Variants in IL15 observed in about 807,000 individuals in gnomAD.
IL15 encodes interleukin-15.
Under a neutral mutation model 19.6 loss-of-function variants are expected in IL15, and 11 were observed. The ratio of observed to expected loss-of-function variants is 0.56; its 90% CI spans 0.35 to 0.93. The LOEUF (loss-of-function observed/expected upper bound fraction) is 0.93, where lower values mean the gene tolerates loss of function less well. Among genes scored for constraint, IL15 ranks in the 40% least tolerant of loss-of-function variants. The pLI is 0.01. For missense variants in IL15, 197 were observed against 186.5 expected (o/e 1.06, Z -0.33); for synonymous variants, 58 against 59.6 (o/e 0.97, Z 0.12).
chr4:141,668,302 G>A (rs1728058438), intron 2 of IL15, among the ~76,000 whole-genome samples: 1 of 151,928 alleles, frequency 6.6e-6, no homozygotes, highest in African/African-American at 2.4e-5. Flanking sequence ...AGGTGTCTCT[G>A]ATGTGGTGGG....
At chr4:141,661,920 C>T (rs1727804241) in intron 2 of IL15, among the ~76,000 whole-genome samples, 1 of 152,050 alleles carries the variant, frequency 6.6e-6, no homozygotes, top group African/African-American at 2.4e-5. Context: ...CCCGTCATAC[C>T]TTTATTGTTT....
chr4:141,683,664 A>G (rs1728616085), intron 2 of IL15, among the ~76,000 whole-genome samples: 1 of 152,184 alleles, frequency 6.6e-6, no homozygotes, highest in Non-Finnish European at 1.5e-5. Context: ...ACCTGGAACA[A>G]GTCATGTAAT....
intron 1 of IL15, among the ~76,000 whole-genome samples, chr4:141,647,715 C>G (rs1727276229): frequency 6.6e-6 from 1 of 151,918 alleles, no homozygotes; most frequent in Admixed American, 6.6e-5. Flanking sequence ...GATTTTAATC[C>G]CTCATATGCT....
At chr4:141,718,073 C>A (rs1519553) in intron 2 of IL15, 121,262 of 152,180 alleles carry the variant, frequency 0.8, 48,884 homozygotes, top group East Asian at 0.99. Context: ...ATGGTGGAGT[C>A]TTCTGGCTAA....
chr4:141,639,757 C>G (rs568099346), intron 1 of IL15, among the ~76,000 whole-genome samples: 10 of 152,278 alleles, frequency 6.6e-5, no homozygotes, highest in African/African-American at 2.4e-4. Context: ...TTTACTTACC[C>G]GTTGATTACA....
At chr4:141,695,057 A>G (rs1348501197) in intron 2 of IL15, among the ~76,000 whole-genome samples, 1 of 152,118 alleles carries the variant, frequency 6.6e-6, no homozygotes, top group Non-Finnish European at 1.5e-5. Flanking sequence ...ATAGTTCCTC[A>G]ATATGGTAGC....
intron 2 of IL15, among the ~76,000 whole-genome samples, chr4:141,698,732 G>T (rs559014260): frequency 1.3e-4 from 19 of 151,776 alleles, no homozygotes; most frequent in Non-Finnish European, 2.5e-4. Flanking sequence ...TCTCTTCTTG[G>T]TTAATCGTAC....
chr4:141,644,102 A>G (rs1727142859), intron 1 of IL15, among the ~76,000 whole-genome samples: 1 of 151,274 alleles, frequency 6.6e-6, no homozygotes, highest in African/African-American at 2.4e-5. Flanking sequence ...CCTACATCCT[A>G]TCTCTTCTCA....
At chr4:141,670,695 T>A (rs914077287) in intron 2 of IL15, among the ~76,000 whole-genome samples, 2 of 152,238 alleles carry the variant, frequency 1.3e-5, no homozygotes, top group Non-Finnish European at 2.9e-5. Flanking sequence ...ATGTTTCAGA[T>A]AAACTTTTGA....
intron 7 of IL15, among the ~76,000 whole-genome samples, chr4:141,731,318 T>A (rs776552346): frequency 3.3e-5 from 5 of 152,206 alleles, no homozygotes; most frequent in Non-Finnish European, 7.3e-5. Flanking sequence ...TGTTTTTCCC[T>A]ACTAGAATGT....
chr4:141,664,077 A>T (rs910889941), intron 2 of IL15, among the ~76,000 whole-genome samples: 1 of 152,146 alleles, frequency 6.6e-6, no homozygotes, highest in East Asian at 1.9e-4. Flanking sequence ...TAAAAGTATA[A>T]ATCAGATAAG....
chr4:141,724,745 A>G (rs1730202763), intron 5 of IL15, among the ~76,000 whole-genome samples: 1 of 152,110 alleles, frequency 6.6e-6, no homozygotes. Context: ...CCAAAACATA[A>G]TGAAGATGAA....
At chr4:141,662,860 A>T (rs898777705) in intron 2 of IL15, among the ~76,000 whole-genome samples, 5 of 152,166 alleles carry the variant, frequency 3.3e-5, no homozygotes, top group African/African-American at 1.2e-4. Flanking sequence ...TAAACCCTTA[A>T]AGAAGAATAA....
At position 141,729,826 on chromosome 4, in the gene IL15, CT is replaced by C. The variant is rs1730390890; in HGVS notation, c.241-18del. On this transcript the variant is annotated intron_variant, in intron 6 of 7. Coordinates refer to ENST00000320650, the MANE Select transcript of IL15 (RefSeq NM_000585.5). ...TAATAATCAGAAAAAAGTAATTGTT[CT>C]TTATAACTTTTATTTTTAGCCCAGT... is the stretch of plus-strand genomic sequence containing the variant. 7.2e-6 allele frequency: 10 copies of C among 1,382,026 alleles called. No individual in the cohort carries two copies. Among genetic ancestry groups the C allele is most frequent in the Non-Finnish European group, 8.2e-6 (8 of 980,230 alleles). The allele number at this position is 1,382,026 out of a possible 1,614,324, so 85.6% of individuals were successfully genotyped here. A position where few individuals can be genotyped will look rare whatever the true frequency, so the allele number is the denominator to read the frequency against.
At chr4:141,639,512 C>G (rs1029966966) in intron 1 of IL15, among the ~76,000 whole-genome samples, 1 of 152,178 alleles carries the variant, frequency 6.6e-6, no homozygotes, top group Non-Finnish European at 1.5e-5. Context: ...AAGAGCCTGA[C>G]AAATAGTAGG....
At chr4:141,666,962 C>T (rs551196952) in intron 2 of IL15, among the ~76,000 whole-genome samples, 1 of 152,124 alleles carries the variant, frequency 6.6e-6, no homozygotes, top group Non-Finnish European at 1.5e-5. Flanking sequence ...TCAATCATTC[C>T]TATCCAATGA....
intron 2 of IL15, among the ~76,000 whole-genome samples, chr4:141,698,719 GTCTCT>G (rs1729183618): frequency 1.3e-5 from 2 of 151,714 alleles, no homozygotes; most frequent in Non-Finnish European, 2.9e-5. Flanking sequence ...TAATTGAATC[GTCTCT>G]CTTCTTGGTT....
At chr4:141,639,604 G>A (rs796377080) in intron 1 of IL15, among the ~76,000 whole-genome samples, 82 of 152,280 alleles carry the variant, frequency 5.4e-4, no homozygotes, top group African/African-American at 2.0e-3. Context: ...GGGATTCATG[G>A]AGAGGTCAGA....
intron 2 of IL15, among the ~76,000 whole-genome samples, chr4:141,689,987 TC>T (rs1345168021): frequency 6.6e-6 from 1 of 152,148 alleles, no homozygotes. Flanking sequence ...AGGCTGCAGG[TC>T]CCGAGCCCTG....
Sources: allele counts gnomAD v4.1 joint callset (sites outside exome capture counted in the v4.1 genomes callset), GRCh38; gene constraint gnomAD v4.1.1; transcripts MANE v1.5; gene names NCBI Gene and HGNC (gene_info 2026-07-23, HGNC 2026-07-21).